The following CSMD1 variants were observed in gnomAD, a reference collection of about 807,000 sequenced individuals.
CSMD1 encodes the protein CUB and sushi domain-containing protein 1.
In CSMD1, 213 loss-of-function variants were observed where a neutral mutation model predicts 417.5. The observed-to-expected ratio is 0.51, with a 90% CI of 0.46 to 0.57. The LOEUF is 0.57. Ranked by LOEUF, CSMD1 falls within the 20% of genes least tolerant of loss-of-function variation. The pLI is 0.00. For synonymous variants in CSMD1, 2,862 were observed against 1,736.8 expected, an observed-to-expected ratio of 1.65 and a Z score of -16.11; for missense variants, 6,923 against 4,529.7, an observed-to-expected ratio of 1.53 and a Z score of -15.17.
chr8:3,888,713 C>G (rs1168194433), intron 5 of CSMD1, among the ~76,000 whole-genome samples: 1 of 152,176 alleles, frequency 6.6e-6, no homozygotes, highest in Admixed American at 6.5e-5. Flanking sequence ...GTGCTGCTGG[C>G]TGAAGACCTT....
chr8:3,098,835 T>C (rs1815524608), intron 46 of CSMD1, among the ~76,000 whole-genome samples: 1 of 152,130 alleles, frequency 6.6e-6, no homozygotes, highest in African/African-American at 2.4e-5. Context: ...GACGTGTAAG[T>C]ACAGAGTAAT....
intron 1 of CSMD1, among the ~76,000 whole-genome samples, chr8:4,955,890 C>T (rs1809073327): frequency 2.6e-5 from 4 of 152,180 alleles, no homozygotes; most frequent in Admixed American, 1.3e-4. Flanking sequence ...AGTTGTTAAA[C>T]TTCAGAGGCA....
At chr8:3,036,054 G>T (rs575146914) in intron 50 of CSMD1, among the ~76,000 whole-genome samples, 19 of 152,256 alleles carry the variant, frequency 1.2e-4, no homozygotes, top group Non-Finnish European at 2.4e-4. Context: ...CAGATCAGTT[G>T]AAAGTATAAA....
At chr8:3,714,658 A>AC (rs1801726497) in intron 6 of CSMD1, among the ~76,000 whole-genome samples, 1 of 151,132 alleles carries the variant, frequency 6.6e-6, no homozygotes. Flanking sequence ...AATTGCTTGA[A>AC]CCCCGGAGGC....
At chr8:3,547,435 C>T (rs900154736) in intron 10 of CSMD1, among the ~76,000 whole-genome samples, 2 of 152,132 alleles carry the variant, frequency 1.3e-5, no homozygotes, top group African/African-American at 4.8e-5. Flanking sequence ...TGTACATATA[C>T]AGATGTATAA....
intron 49 of CSMD1, among the ~76,000 whole-genome samples, chr8:3,069,434 G>GAAAAAAA (rs113747632): frequency 1.4e-5 from 2 of 138,152 alleles, no homozygotes; most frequent in African/African-American, 5.3e-5. Context: ...GACTCTGTCT[G>GAAAAAAA]AAAAAAAAAA....
intron 3 of CSMD1, among the ~76,000 whole-genome samples, chr8:4,410,066 G>A (rs1188902875): frequency 6.6e-6 from 1 of 152,088 alleles, no homozygotes; most frequent in Admixed American, 6.6e-5. Context: ...CACCTGCCGT[G>A]GCCTCCCAAA....
intron 10 of CSMD1, among the ~76,000 whole-genome samples, chr8:3,496,119 T>C (rs1796354013): frequency 6.6e-6 from 1 of 152,196 alleles, no homozygotes; most frequent in Non-Finnish European, 1.5e-5. Context: ...TCATGTGTTC[T>C]CATTGTTCAG....
At chr8:3,307,939 AC>A in intron 24 of CSMD1, 118 bp from the exon 25 acceptor site, 1 of 1,116,756 alleles carries the variant, frequency 9.0e-7, no homozygotes, top group Non-Finnish European at 1.3e-6. Context: ...AAAAAGAATC[AC>A]CATCATCTCT....
intron 1 of CSMD1, among the ~76,000 whole-genome samples, chr8:4,880,596 C>A (rs573486454): frequency 3.3e-5 from 5 of 152,054 alleles, no homozygotes; most frequent in Admixed American, 6.6e-5. Flanking sequence ...TTCTCAAAGC[C>A]CACATTGCCT....
At position 3,615,997 on chromosome 8, in the gene CSMD1, G is replaced by A. The variant is rs73491474; in HGVS notation, c.1097+713C>T. The stretch of plus-strand genomic sequence containing the variant: ...CAGTATCTAGTTCACCATAATCCTA[G>A]TAAAATGATATGCATTTTCTGAATA... On this transcript the variant is annotated intron_variant, in intron 8 of 69. Coordinates refer to ENST00000635120, the MANE Select transcript of CSMD1 (RefSeq NM_033225.6). Among the ~76,000 whole-genome samples the A allele has an allele frequency of 4.2e-3, 636 of 152,174 alleles. 6 individuals are homozygous for A. The highest frequency in any genetic ancestry group is 0.015 in the African/African-American group (617 of 41,488).
intron 32 of CSMD1, among the ~76,000 whole-genome samples, chr8:3,201,392 T>G (rs1371458991): frequency 2.0e-5 from 3 of 152,202 alleles, no homozygotes; most frequent in Non-Finnish European, 2.9e-5. Context: ...TTATATTTTC[T>G]GCAATCTTAG....
At position 4,785,531 on chromosome 8, in the gene CSMD1, G is replaced by T. The variant is rs528793721; in HGVS notation, c.86-147973C>A. On this transcript the variant is annotated intron_variant, in intron 1 of 69. Coordinates refer to ENST00000635120, the MANE Select transcript of CSMD1 (RefSeq NM_033225.6). The stretch of plus-strand genomic sequence containing the variant: ...TACCCTAGACAGCACCAGAGAGCTT[G>T]GTTTCCTGAAATGCTGTGATTCACA... 2.6e-5 allele frequency among the ~76,000 whole-genome samples: 4 copies of T among 152,206 alleles called. No homozygotes were observed. The East Asian group carries it at 7.7e-4, about 29-fold the overall frequency.
At chr8:4,378,313 A>G (rs904809313) in intron 3 of CSMD1, among the ~76,000 whole-genome samples, 3 of 152,228 alleles carry the variant, frequency 2.0e-5, no homozygotes. Flanking sequence ...AAATTGTTAT[A>G]AATTGCTGTT....
chr8:4,158,006 A>G (rs923692224), intron 3 of CSMD1, among the ~76,000 whole-genome samples: 7 of 151,938 alleles, frequency 4.6e-5, no homozygotes, highest in African/African-American at 1.7e-4. Context: ...TTCCTGCTCA[A>G]CTGCCCCCAT....
At chr8:3,397,422 T>A (rs370959865) in intron 16 of CSMD1, among the ~76,000 whole-genome samples, 1 of 152,194 alleles carries the variant, frequency 6.6e-6, no homozygotes, top group Non-Finnish European at 1.5e-5. Context: ...ATGGATACAC[T>A]GATTAGTGCA....
intron 10 of CSMD1, among the ~76,000 whole-genome samples, chr8:3,554,654 C>A (rs1167647138): frequency 2.0e-5 from 3 of 152,174 alleles, no homozygotes; most frequent in Non-Finnish European, 2.9e-5. Context: ...AATGGCAGCA[C>A]CTTAGTTTTC....
chr8:3,771,983 A>C (rs993512432), intron 5 of CSMD1, among the ~76,000 whole-genome samples: 1 of 151,968 alleles, frequency 6.6e-6, no homozygotes, highest in Non-Finnish European at 1.5e-5. Flanking sequence ...CATTTATCCA[A>C]TTCTGGGCTG....
At chr8:3,243,610 T>A (rs1799688186) in intron 26 of CSMD1, among the ~76,000 whole-genome samples, 1 of 151,972 alleles carries the variant, frequency 6.6e-6, no homozygotes, top group African/African-American at 2.4e-5. Flanking sequence ...TCACTTCTTT[T>A]GTGGTGGAAT....
Sources: gnomAD v4.1 joint callset for allele counts (sites outside exome capture counted in the v4.1 genomes callset) on GRCh38, gnomAD v4.1.1 for gene constraint, MANE v1.5 for transcripts, NCBI Gene and HGNC (gene_info 2026-07-23, HGNC 2026-07-21) for gene names.